Variants in ANO6 observed in about 807,000 individuals in gnomAD.
ANO6 encodes anoctamin-6.
ANO6 carries 106 observed loss-of-function variants against 117.5 expected under a neutral mutation model. The observed-to-expected ratio is 0.90, with a 90% CI of 0.77 to 1.06. ANO6 has a LOEUF of 1.06. Among genes scored for constraint, ANO6 ranks in the 50% least tolerant of loss-of-function variants. The pLI, the probability that ANO6 is intolerant of heterozygous loss-of-function variation, is 0.00. For missense variants in ANO6, 955 were observed against 1,121.1 expected (o/e 0.85, Z 2.12); for synonymous variants, 367 against 385.1 (o/e 0.95, Z 0.55).
At chr12:45,352,201 C>T (rs926096411) in intron 7 of ANO6, among the ~76,000 whole-genome samples, 15 of 151,898 alleles carry the variant, frequency 9.9e-5, no homozygotes, top group Admixed American at 6.6e-5. Context: ...TTACATTTAC[C>T]GTGGGAAATT....
At chr12:45,360,541 T>C (rs147924088) in intron 8 of ANO6, among the ~76,000 whole-genome samples, 40 of 152,298 alleles carry the variant, frequency 2.6e-4, no homozygotes, top group African/African-American at 9.4e-4. Context: ...ATTGAAAATA[T>C]TTTCTCCCAT....
chr12:45,294,834 G>C (rs1314237589), intron 1 of ANO6, among the ~76,000 whole-genome samples: 1 of 152,202 alleles, frequency 6.6e-6, no homozygotes. Context: ...ATGAAGGACA[G>C]GGATTGTCAA....
At chr12:45,377,143 G>GT (rs35290139) in intron 9 of ANO6, among the ~76,000 whole-genome samples, 8,478 of 140,206 alleles carry the variant, frequency 0.06, 446 homozygotes, top group East Asian at 0.32. Flanking sequence ...ATTTGAAAAG[G>GT]TTTTTTTTTT....
chr12:45,377,277 C>T (rs1942053649), intron 9 of ANO6, among the ~76,000 whole-genome samples: 1 of 151,894 alleles, frequency 6.6e-6, no homozygotes, highest in Admixed American at 6.6e-5. Context: ...TAAAAATGCT[C>T]ACTAATGAAA....
intron 17 of ANO6, 29 bp downstream of exon 17, chr12:45,416,933 AG>A: frequency 6.2e-7 from 1 of 1,607,976 alleles, no homozygotes; most frequent in Non-Finnish European, 8.5e-7. Context: ...TACAGAGTAA[AG>A]ACCTTGAAGA....
intron 3 of ANO6, among the ~76,000 whole-genome samples, chr12:45,332,547 C>T (rs968094991): frequency 2.0e-5 from 3 of 151,958 alleles, no homozygotes; most frequent in Admixed American, 1.3e-4. Flanking sequence ...GGAAACTGAC[C>T]TTCAAGTTCT....
At chr12:45,241,022 T>C (rs188771521) in intron 1 of ANO6, among the ~76,000 whole-genome samples, 33 of 152,308 alleles carry the variant, frequency 2.2e-4, no homozygotes, top group African/African-American at 3.6e-4. Context: ...CTGACAATTA[T>C]GTGTCTTGAG....
intron 1 of ANO6, among the ~76,000 whole-genome samples, chr12:45,261,186 G>T (rs1252969741): frequency 6.6e-6 from 1 of 152,184 alleles, no homozygotes; most frequent in Non-Finnish European, 1.5e-5. Context: ...AGGACACAGA[G>T]AATATTTTCC....
chr12:45,291,142 A>G (rs1939079905), intron 1 of ANO6, among the ~76,000 whole-genome samples: 1 of 152,154 alleles, frequency 6.6e-6, no homozygotes, highest in Admixed American at 6.5e-5. Context: ...AATTAACTCA[A>G]AATGGATTAA....
At chr12:45,420,270 G>T (rs79278164) in intron 17 of ANO6, among the ~76,000 whole-genome samples, 1 of 152,078 alleles carries the variant, frequency 6.6e-6, no homozygotes, top group Non-Finnish European at 1.5e-5. Context: ...TATGAAAAGA[G>T]CTAAATCAAT....
At chr12:45,396,640 T>C (rs1172172466) in intron 12 of ANO6, among the ~76,000 whole-genome samples, 2 of 152,116 alleles carry the variant, frequency 1.3e-5, no homozygotes, top group South Asian at 2.1e-4. Flanking sequence ...AACAGAGATA[T>C]AGACCAATGG....
intron 1 of ANO6, among the ~76,000 whole-genome samples, chr12:45,228,561 C>T (rs886733648): frequency 1.3e-5 from 2 of 152,056 alleles, no homozygotes; most frequent in African/African-American, 4.8e-5. Flanking sequence ...TTTAGAATAT[C>T]ACAGGAGAAC....
intron 1 of ANO6, among the ~76,000 whole-genome samples, chr12:45,244,823 T>G (rs1458000307): frequency 6.6e-6 from 1 of 152,192 alleles, no homozygotes; most frequent in East Asian, 1.9e-4. Flanking sequence ...GAATAGAGAA[T>G]GTGTGCGTGT....
At chr12:45,282,770 A>G (rs1938783194) in intron 1 of ANO6, among the ~76,000 whole-genome samples, 1 of 152,208 alleles carries the variant, frequency 6.6e-6, no homozygotes, top group African/African-American at 2.4e-5. Context: ...TTACAAAGCA[A>G]TATATTTTAC....
chr12:45,421,249 A>T lies in ANO6; in HGVS notation c.2396A>T (p.Asp799Val), dbSNP rs749919068. 28 of 1,614,040 alleles carry T rather than the reference A, an allele frequency of 1.7e-5. 1 individual carries two copies. The South Asian group carries it at 3.1e-4, about 18-fold the overall frequency. ...KNKSKGNPYSDLGNHTTCRYR... is the reference protein window; with the variant it reads ...KNKSKGNPYSVLGNHTTCRYR... Reference sequence around the variant, plus strand: ...AAAAGCAAGGGAAACCCGTACTCTGACCTGGGTAACCATACCACATGCAGG... The same window carrying T: ...AAAAGCAAGGGAAACCCGTACTCTGTCCTGGGTAACCATACCACATGCAGG... Residue 799 changes from aspartate (D) to valine (V), a missense_variant, in exon 18 of 20, where the codon GAC becomes GTC. Coordinates refer to ENST00000320560, the MANE Select transcript of ANO6 (RefSeq NM_001025356.3).
At chr12:45,363,663 A>G (rs1941613711) in intron 8 of ANO6, among the ~76,000 whole-genome samples, 1 of 152,098 alleles carries the variant, frequency 6.6e-6, no homozygotes, top group Non-Finnish European at 1.5e-5. Context: ...CTCAAATTGT[A>G]GCTCCCATAA....
At chr12:45,316,018 C>A (rs1226329502) in intron 2 of ANO6, among the ~76,000 whole-genome samples, 16 of 152,018 alleles carry the variant, frequency 1.1e-4, no homozygotes, top group Non-Finnish European at 2.9e-5. Flanking sequence ...GAGCTGTTCT[C>A]TAAATAATTC....
intron 11 of ANO6, among the ~76,000 whole-genome samples, chr12:45,390,193 T>C (rs1434471269): frequency 6.6e-6 from 1 of 152,200 alleles, no homozygotes; most frequent in African/African-American, 2.4e-5. Context: ...CGATAAACAG[T>C]TTATTCATGC....
chr12:45,238,159 T>TTC (rs1947677660), intron 1 of ANO6, among the ~76,000 whole-genome samples: 1 of 149,018 alleles, frequency 6.7e-6, no homozygotes, highest in East Asian at 1.9e-4. Flanking sequence ...TTCTTTTTTT[T>TTC]TTTTTTTTTG....
Sources: allele counts gnomAD v4.1 joint callset (sites outside exome capture counted in the v4.1 genomes callset), GRCh38; gene constraint gnomAD v4.1.1; transcripts MANE v1.5; gene names NCBI Gene and HGNC (gene_info 2026-07-23, HGNC 2026-07-21).